Variants in ANKFN1 observed in about 807,000 individuals in gnomAD.
ANKFN1 encodes ankyrin repeat and fibronectin type III domain containing 1, also known as ankyrin repeat and fibronectin type-III domain-containing protein 1.
In ANKFN1, 74 loss-of-function variants were observed where a neutral mutation model predicts 108.7. The ratio of observed to expected loss-of-function variants is 0.68; its 90% confidence interval spans 0.56 to 0.83. The LOEUF (loss-of-function observed/expected upper bound fraction) is 0.83, where lower values mean the gene tolerates loss of function less well. Ranked by LOEUF, ANKFN1 falls within the 40% of genes least tolerant of loss-of-function variation. ANKFN1 has a pLI of 0.00. For synonymous variants in ANKFN1, 547 were observed against 516.2 expected (o/e 1.06, Z -0.81); for missense variants, 1,505 against 1,382.3 (o/e 1.09, Z -1.41).
In ANKFN1 at chr17:56,510,528, C is replaced by T. The variant is rs1202765837; in HGVS notation, c.2700C>T (p.Asn900=). The T allele has an allele frequency of 2.6e-6, 4 of 1,536,206 alleles. No homozygotes were observed. The South Asian group carries it at 3.6e-5, about 14-fold the overall frequency. The part of the protein sequence containing the change: ...EACSEVFLPT[N]SDYDSSDALS... ...GCTCAGAAGTCTTCCTCCCCACCAA[C>T]AGTGACTACGACTCCAGCGATGCCC... The change falls in exon 21 of 21, where the codon AAC becomes AAT. Residue 900 remains asparagine, a synonymous_variant. Transcript: ENST00000682825.
intron 3 of ANKFN1, among the ~76,000 whole-genome samples, chr17:56,311,996 A>G (rs1329483941): frequency 1.3e-5 from 2 of 152,148 alleles, no homozygotes; most frequent in African/African-American, 4.8e-5. Context: ...TCTCCTCTTC[A>G]GGCCTATGGT....
At chr17:56,241,013 A>T (rs1373574140) in intron 3 of ANKFN1, among the ~76,000 whole-genome samples, 2 of 152,064 alleles carry the variant, frequency 1.3e-5, no homozygotes, top group African/African-American at 4.8e-5. Context: ...AGACATTGAC[A>T]TTCTAACATA....
At position 56,512,977 on chromosome 17, in the gene ANKFN1, T is replaced by G. The variant is rs2051817793; in HGVS notation, c.*1708T>G. Among the ~76,000 whole-genome samples, 1 of 152,224 alleles carries G rather than the reference T, an allele frequency of 6.6e-6. No individual in the cohort carries two copies. Among genetic ancestry groups the G allele is most frequent in the South Asian group, 2.1e-4 (1 of 4,830 alleles). On this transcript the variant is annotated 3_prime_UTR_variant, in exon 21 of 21. Transcript: ENST00000682825. ...ACTGGGAGGATTTTAAAATGCAATT[T>G]TCTTCTGTCTAAGTGAATTCTATGT...
intron 4 of ANKFN1, among the ~76,000 whole-genome samples, chr17:56,103,915 G>A (rs184905294): frequency 6.0e-4 from 91 of 152,278 alleles, no homozygotes; most frequent in African/African-American, 2.0e-3. Context: ...GGTACCAAGC[G>A]GTCAGAGTAA....
intron 1 of ANKFN1, among the ~76,000 whole-genome samples, chr17:56,172,462 T>C (rs144770136): frequency 1.3e-5 from 2 of 152,136 alleles, no homozygotes; most frequent in Admixed American, 6.5e-5. Context: ...AGGAACTGTA[T>C]CCAGCAGATT....
At chr17:56,149,206 G>C (rs1055875560), upstream of ANKFN1, among the ~76,000 whole-genome samples, 1 of 152,146 alleles carries the variant, frequency 6.6e-6, no homozygotes, top group Non-Finnish European at 1.5e-5. Context: ...TAGGGAAGGA[G>C]ATGACATGAT....
intron 3 of ANKFN1, among the ~76,000 whole-genome samples, chr17:56,257,723 A>G (rs774112893): frequency 2.6e-4 from 39 of 152,150 alleles, no homozygotes; most frequent in Non-Finnish European, 3.8e-4. Flanking sequence ...CCTTTGGACA[A>G]TTCGAGAAAT....
rs189760717 is a variant in ANKFN1 at position 56,516,528 on chromosome 17, G to T, written c.*5259G>T. On this transcript the variant is annotated 3_prime_UTR_variant, in exon 21 of 21. Coordinates refer to ENST00000682825, the MANE Select transcript of ANKFN1 (RefSeq NM_001370326.1). The stretch of plus-strand genomic sequence containing the variant: ...TTTAAACCTCTGTAAACATGCAGAT[G>T]AATCATGTATGGTGTGTTAAATGTG... Among the ~76,000 whole-genome samples, 162 of 152,254 alleles carry T rather than the reference G, an allele frequency of 1.1e-3. No homozygotes were observed. Among genetic ancestry groups the T allele is most frequent in the African/African-American group, 3.7e-3 (152 of 41,548 alleles).
chr17:56,146,014 G>A (rs1276332677), intron 4 of ANKFN1, among the ~76,000 whole-genome samples: 1 of 152,170 alleles, frequency 6.6e-6, no homozygotes, highest in Non-Finnish European at 1.5e-5. Context: ...GGGGGTATAG[G>A]CATTGTGTAA....
chr17:56,434,427 C>G (rs569095090), intron 8 of ANKFN1, among the ~76,000 whole-genome samples: 6 of 151,114 alleles, frequency 4.0e-5, no homozygotes, highest in African/African-American at 9.7e-5. Flanking sequence ...GATGAAAAAG[C>G]CTTTTGCCCT....
chr17:56,194,765 G>T (rs1019272452), intron 1 of ANKFN1, among the ~76,000 whole-genome samples: 2 of 152,178 alleles, frequency 1.3e-5, no homozygotes, highest in Non-Finnish European at 2.9e-5. Flanking sequence ...ATGTGTCAAT[G>T]TTCATCAATT....
intron 1 of ANKFN1, among the ~76,000 whole-genome samples, chr17:56,167,672 G>A (rs563035523): frequency 5.9e-5 from 9 of 152,108 alleles, no homozygotes; most frequent in African/African-American, 1.4e-4. Context: ...TTTCCCACTC[G>A]TACTACATAT....
intron 3 of ANKFN1, among the ~76,000 whole-genome samples, chr17:56,308,278 G>T (rs1320266796): frequency 6.6e-6 from 1 of 151,662 alleles, no homozygotes; most frequent in Non-Finnish European, 1.5e-5. Flanking sequence ...AATAAACATG[G>T]GAGTGCAAAA....
At chr17:56,223,407 T>C (rs1280659452) in intron 2 of ANKFN1, among the ~76,000 whole-genome samples, 3 of 152,156 alleles carry the variant, frequency 2.0e-5, no homozygotes, top group Admixed American at 6.6e-5. Context: ...TATTTTTAAC[T>C]GTTAAAAAGG....
intron 4 of ANKFN1, among the ~76,000 whole-genome samples, chr17:56,096,783 A>G (rs1286745046): frequency 6.6e-6 from 1 of 152,204 alleles, no homozygotes; most frequent in African/African-American, 2.4e-5. Context: ...AAGGAATATA[A>G]ATCATTCTAC....
At chr17:56,049,221 A>G (rs1054420272) in intron 4 of ANKFN1, among the ~76,000 whole-genome samples, 48 of 152,086 alleles carry the variant, frequency 3.2e-4, no homozygotes, top group Non-Finnish European at 6.5e-4. Context: ...AAATTGCTTC[A>G]GTGATTATCT....
chr17:56,312,206 G>T (rs2045050631), intron 3 of ANKFN1, among the ~76,000 whole-genome samples: 1 of 152,080 alleles, frequency 6.6e-6, no homozygotes, highest in African/African-American at 2.4e-5. Context: ...CTGTGCTTCT[G>T]CCCACTCCCA....
At chr17:56,164,254 C>A (rs1226431703) in intron 1 of ANKFN1, among the ~76,000 whole-genome samples, 1 of 152,184 alleles carries the variant, frequency 6.6e-6, no homozygotes, top group East Asian at 1.9e-4. Flanking sequence ...TAGATGACTT[C>A]TACTCATGTG....
intron 4 of ANKFN1, among the ~76,000 whole-genome samples, chr17:56,337,813 G>A (rs2045854918): frequency 6.6e-6 from 1 of 152,182 alleles, no homozygotes; most frequent in African/African-American, 2.4e-5. Context: ...AACAGATGCT[G>A]GAGAGGATGT....
Sources: gnomAD v4.1 joint callset for allele counts (sites outside exome capture counted in the v4.1 genomes callset) on GRCh38, gnomAD v4.1.1 for gene constraint, MANE v1.5 for transcripts, NCBI Gene and HGNC (gene_info 2026-07-23, HGNC 2026-07-21) for gene names.